IL17B: variants seen among roughly 807,000 people sequenced by gnomAD.
IL17B encodes the protein interleukin-17B.
A neutral mutation model predicts 14.7 loss-of-function variants in IL17B; 14 were observed. That is an observed-to-expected ratio of 0.95 (90% CI 0.63 to 1.49). The LOEUF (loss-of-function observed/expected upper bound fraction) is 1.49. Among genes scored for constraint, IL17B ranks in the 40% most tolerant of loss-of-function variants. IL17B has a pLI of 0.00. For synonymous variants in IL17B, 105 were observed against 94.8 expected (o/e 1.11, Z -0.62); for missense variants, 233 against 252.8 (o/e 0.92, Z 0.53).
At chr5:149,402,663 A>G (rs1253694129) in intron 1 of IL17B, among the ~76,000 whole-genome samples, 6 of 149,854 alleles carry the variant, frequency 4.0e-5, no homozygotes, top group East Asian at 1.9e-4. Flanking sequence ...GGATTATACA[A>G]TTTATCTTCT....
intron 1 of IL17B, among the ~76,000 whole-genome samples, chr5:149,401,257 T>A (rs1178714098): frequency 6.6e-6 from 1 of 152,238 alleles, no homozygotes; most frequent in Non-Finnish European, 1.5e-5. Flanking sequence ...TCTGCTCAAA[T>A]GAGCAGGAAT....
Position 149,386,134 on chromosome 5 carries a change from T to G in IL17B, n.96-9109A>C, listed in dbSNP as rs565817997. Among the ~76,000 whole-genome samples, 4 of 152,330 alleles carry G rather than the reference T, an allele frequency of 2.6e-5. No individual in the cohort carries two copies. The South Asian group carries it at 6.2e-4, about 24-fold the overall frequency. ...CAGAGAGTGCTGTTTTTATTGTGGT[T>G]GTTTTGGTGTATTGTGTGAGTGCAA... is the stretch of plus-strand genomic sequence containing the variant. On this transcript the variant is annotated intron_variant and non_coding_transcript_variant, in intron 1 of 2. Coordinates refer to the IL17B transcript ENST00000505432.
At chr5:149,386,353 C>A (rs1758828786) in intron 1 of IL17B, among the ~76,000 whole-genome samples, 1 of 152,174 alleles carries the variant, frequency 6.6e-6, no homozygotes, top group African/African-American at 2.4e-5. Flanking sequence ...CACAACACAA[C>A]ACTTAGAGCA....
chr5:149,383,893 G>A (rs1325173418), upstream of IL17B, among the ~76,000 whole-genome samples: 1 of 152,208 alleles, frequency 6.6e-6, no homozygotes, highest in Non-Finnish European at 1.5e-5. Flanking sequence ...AGACTGGGTC[G>A]CCTAGGCCTC....
At chr5:149,401,051 T>C (rs6870107) in intron 1 of IL17B, among the ~76,000 whole-genome samples, 15,225 of 152,292 alleles carry the variant, frequency 0.1, 994 homozygotes, top group African/African-American at 0.18. Context: ...TTACCAGCTA[T>C]CTGGGCATCC....
At chr5:149,388,074 A>G (rs1214227703) in intron 1 of IL17B, among the ~76,000 whole-genome samples, 2 of 152,210 alleles carry the variant, frequency 1.3e-5, no homozygotes, top group Non-Finnish European at 1.5e-5. Context: ...AGGATATCCA[A>G]GTTATTTCTG....
rs376972460 is a variant in IL17B at position 149,398,894 on chromosome 5, T to A, written n.95+5214A>T. On this transcript the variant is annotated intron_variant and non_coding_transcript_variant, in intron 1 of 2. Coordinates refer to the IL17B transcript ENST00000505432. ...TCCAGCCTGGGTGACAGAGCAAAAC[T>A]CTGTCTCAAAAAAGAAGTTATTGGA... Among the ~76,000 whole-genome samples the A allele has an allele frequency of 3.3e-5, 5 of 152,276 alleles. No homozygotes were observed. In the East Asian group the frequency reaches 9.6e-4, roughly 29 times the overall value.
chr5:149,378,563 C>A (rs1314280985), intron 1 of IL17B, among the ~76,000 whole-genome samples: 1 of 152,216 alleles, frequency 6.6e-6, no homozygotes, highest in Non-Finnish European at 1.5e-5. Flanking sequence ...CCTCACAGCC[C>A]CACAGCCCCA....
intron 1 of IL17B, among the ~76,000 whole-genome samples, chr5:149,385,357 G>GA (rs1457519894): frequency 6.0e-5 from 9 of 149,144 alleles, no homozygotes; most frequent in South Asian, 2.1e-4. Context: ...CTCCATCTCA[G>GA]AAAAAACAAA....
chr5:149,384,909 C>CTTTT (rs531690396), intron 1 of IL17B, among the ~76,000 whole-genome samples: 1 of 131,784 alleles, frequency 7.6e-6, no homozygotes. Flanking sequence ...GGTTGTTGAG[C>CTTTT]TTTTTTTTTT....
chr5:149,375,780 G>A (rs1758513480), intron 2 of IL17B, among the ~76,000 whole-genome samples: 1 of 152,200 alleles, frequency 6.6e-6, no homozygotes, highest in Non-Finnish European at 1.5e-5. Flanking sequence ...CTGGGAGGCT[G>A]AGGTGGAAAG....
chr5:149,387,118 C>T (rs1758841659), intron 1 of IL17B, among the ~76,000 whole-genome samples: 1 of 151,694 alleles, frequency 6.6e-6, no homozygotes, highest in South Asian at 2.1e-4. Flanking sequence ...CAGTCCTGTG[C>T]ACCTCCTGCA....
intron 1 of IL17B, among the ~76,000 whole-genome samples, chr5:149,402,035 G>C (rs1581399405): frequency 6.6e-6 from 1 of 152,156 alleles, no homozygotes; most frequent in Non-Finnish European, 1.5e-5. Flanking sequence ...CCATGTGCTG[G>C]TGATAGCAGG....
In IL17B at chr5:149,377,970, C is replaced by T. The variant is rs1355781064; in HGVS notation, c.22-945G>A. On this transcript the variant is annotated intron_variant, in intron 1 of 2. Transcript: ENST00000261796. Reference sequence around the variant, plus strand: ...CATCCTGGCTAACACTGTGAAACCCCGTCTCTACTAAAAATACAAAAAAAT... The same window carrying T: ...CATCCTGGCTAACACTGTGAAACCCTGTCTCTACTAAAAATACAAAAAAAT... Among the ~76,000 whole-genome samples, 9 of 151,950 alleles carry T rather than the reference C, an allele frequency of 5.9e-5. 1 individual carries two copies. The highest frequency in any genetic ancestry group is 1.9e-4 in the East Asian group (1 of 5,174).
At chr5:149,391,113 C>T (rs189637899) in intron 1 of IL17B, among the ~76,000 whole-genome samples, 1 of 152,256 alleles carries the variant, frequency 6.6e-6, no homozygotes, top group Non-Finnish European at 1.5e-5. Context: ...ATTACAGGCA[C>T]CTGCCATCAT....
upstream of IL17B, chr5:149,379,316 C>A (rs2127617986): frequency 6.7e-7 from 1 of 1,499,542 alleles, no homozygotes; most frequent in Middle Eastern, 1.7e-4. Context: ...TGGAGCGAAG[C>A]AATTATAGCT....
intron 1 of IL17B, among the ~76,000 whole-genome samples, chr5:149,377,510 C>G (rs1246992274): frequency 6.6e-6 from 1 of 152,214 alleles, no homozygotes; most frequent in African/African-American, 2.4e-5. Context: ...TCATATCTCC[C>G]GTGTCTGCGT....
chr5:149,376,278 G>A (rs993799018), intron 2 of IL17B, among the ~76,000 whole-genome samples: 2 of 152,188 alleles, frequency 1.3e-5, no homozygotes, highest in South Asian at 4.1e-4. Context: ...GGGCCTCACC[G>A]CTGGAGGTTT....
chr5:149,397,272 C>T (rs1170555535), intron 1 of IL17B, among the ~76,000 whole-genome samples: 1 of 152,190 alleles, frequency 6.6e-6, no homozygotes. Flanking sequence ...TGGGTTCAAG[C>T]GATTCTCCCA....
Sources: allele counts gnomAD v4.1 joint callset (sites outside exome capture counted in the v4.1 genomes callset), GRCh38; gene constraint gnomAD v4.1.1; transcripts MANE v1.5; gene names NCBI Gene and HGNC (gene_info 2026-07-23, HGNC 2026-07-21).